The following CCNY variants were observed in gnomAD, a reference collection of about 807,000 sequenced individuals.
CCNY encodes cyclin Y.
Under a neutral mutation model 42.8 loss-of-function variants are expected in CCNY, and 19 were observed. The ratio of observed to expected loss-of-function variants is 0.44; its 90% CI spans 0.31 to 0.65. CCNY has a LOEUF of 0.65. CCNY is among the 30% of genes least tolerant of loss of function. The pLI is 0.07. For synonymous variants in CCNY, 165 were observed against 162.7 expected (o/e 1.01, Z -0.11); for missense variants, 370 against 437.3 (o/e 0.85, Z 1.37).
At chr10:35,377,796 C>T (rs1269845743) in intron 1 of CCNY, among the ~76,000 whole-genome samples, 1 of 151,938 alleles carries the variant, frequency 6.6e-6, no homozygotes, top group East Asian at 1.9e-4. Flanking sequence ...AAAAAATCTT[C>T]AAAACAAAAA....
In CCNY at chr10:35,444,032, A is replaced by C. The variant is rs114702226; in HGVS notation, c.155-39372A>C. ...GTGCTCTCTGGCAAAACTGCTAGCG[A>C]GTAGCACCCTTTCTGCAGAAAGTAA... On this transcript the variant is annotated intron_variant, in intron 1 of 9. Coordinates refer to ENST00000374704, the MANE Select transcript of CCNY (RefSeq NM_145012.6). Among the ~76,000 whole-genome samples the C allele has an allele frequency of 7.8e-3, 1,184 of 152,302 alleles. 19 individuals carry two copies. The highest frequency in any genetic ancestry group is 0.025 in the African/African-American group (1,053 of 41,558).
chr10:35,569,224 G>C lies in CCNY; in HGVS notation c.*54G>C, dbSNP rs908937378. On this transcript the variant is annotated 3_prime_UTR_variant, in exon 10 of 10. Transcript: ENST00000374704. ...TCCCTTAGTTTCTCCTTTAGTTTGA[G>C]AAAAGACAGACTTGGGGTGGGTTTG... 2 of 1,096,692 alleles carry C rather than the reference G, an allele frequency of 1.8e-6. No individual in the cohort carries two copies. The highest frequency in any genetic ancestry group is 3.1e-5 in the African/African-American group (2 of 64,938). The allele number at this position is 1,096,692 out of a possible 1,614,324, so 67.9% of individuals were successfully genotyped here.
At chr10:35,325,155 T>C (rs1206083632) in intron 3 of CCNY, among the ~76,000 whole-genome samples, 2 of 152,210 alleles carry the variant, frequency 1.3e-5, no homozygotes, top group Non-Finnish European at 2.9e-5. Flanking sequence ...CCTAATTATA[T>C]TGGTAATGAC....
chr10:35,286,326 A>G (rs1835354003), intron 3 of CCNY, among the ~76,000 whole-genome samples: 6 of 149,554 alleles, frequency 4.0e-5, no homozygotes, highest in Middle Eastern at 3.5e-3. Context: ...TACATACTTA[A>G]CTTTTCAGTT....
At chr10:35,565,334 A>G (rs1000154690) in intron 8 of CCNY, among the ~76,000 whole-genome samples, 2 of 152,120 alleles carry the variant, frequency 1.3e-5, no homozygotes, top group Non-Finnish European at 2.9e-5. Flanking sequence ...AGAAATGCAC[A>G]TTCTCAGGCC....
chr10:35,291,001 G>T (rs956996018), intron 3 of CCNY, among the ~76,000 whole-genome samples: 15 of 151,590 alleles, frequency 9.9e-5, no homozygotes, highest in Non-Finnish European at 5.9e-5. Context: ...ATGGAATCAT[G>T]AAATATGACT....
At chr10:35,413,562 G>C (rs1837958715) in intron 1 of CCNY, among the ~76,000 whole-genome samples, 1 of 152,210 alleles carries the variant, frequency 6.6e-6, no homozygotes, top group Non-Finnish European at 1.5e-5. Flanking sequence ...TGTAAAACTT[G>C]GAAGTGTCTG....
chr10:35,542,872 C>T (rs867250139), intron 7 of CCNY, among the ~76,000 whole-genome samples: 2 of 152,332 alleles, frequency 1.3e-5, no homozygotes, highest in South Asian at 2.1e-4. Flanking sequence ...CCTTCAATTG[C>T]TGGCAAATAA....
chr10:35,503,109 A>C (rs1840144139), intron 3 of CCNY, among the ~76,000 whole-genome samples: 2 of 151,764 alleles, frequency 1.3e-5, no homozygotes, highest in African/African-American at 2.4e-5. Flanking sequence ...CAACAGGCAC[A>C]CACCTAACCT....
At chr10:35,345,762 G>A (rs952366007) in intron 1 of CCNY, among the ~76,000 whole-genome samples, 6 of 152,224 alleles carry the variant, frequency 3.9e-5, no homozygotes, top group Non-Finnish European at 5.9e-5. Context: ...TTAGAGCTGG[G>A]TAGGGTAAGG....
chr10:35,474,825 G>A (rs1204602949), intron 1 of CCNY, among the ~76,000 whole-genome samples: 1 of 152,236 alleles, frequency 6.6e-6, no homozygotes, highest in Non-Finnish European at 1.5e-5. Context: ...GAGAGAAGAA[G>A]TCTTCAGACG....
At chr10:35,285,806 GTGTTTT>G (rs3066489) in intron 3 of CCNY, among the ~76,000 whole-genome samples, 101 of 151,014 alleles carry the variant, frequency 6.7e-4, no homozygotes, top group African/African-American at 2.3e-3. Context: ...TTGGATTTAG[GTGTTTT>G]TGTTTTTGTT....
chr10:35,509,321 G>A (rs1840275581), intron 3 of CCNY, among the ~76,000 whole-genome samples: 1 of 152,170 alleles, frequency 6.6e-6, no homozygotes, highest in Admixed American at 6.5e-5. Flanking sequence ...TGTCACCCAG[G>A]CTGGAGTACA....
chr10:35,350,713 A>G (rs1407303780), intron 1 of CCNY, among the ~76,000 whole-genome samples: 1 of 152,218 alleles, frequency 6.6e-6, no homozygotes, highest in Admixed American at 6.5e-5. Flanking sequence ...TGTTGAGGAA[A>G]AATAGTGATG....
intron 3 of CCNY, among the ~76,000 whole-genome samples, chr10:35,262,060 C>T (rs948861041): frequency 7.1e-5 from 9 of 125,898 alleles, no homozygotes; most frequent in Admixed American, 3.1e-4. Flanking sequence ...ATCAGGAGTT[C>T]GAGACAGCCT....
chr10:35,410,397 C>A (rs1261506379), intron 1 of CCNY, among the ~76,000 whole-genome samples: 1 of 152,068 alleles, frequency 6.6e-6, no homozygotes, highest in Non-Finnish European at 1.5e-5. Flanking sequence ...AGATTTTTTT[C>A]TTTTAAAAAT....
chr10:35,409,008 C>T (rs1837845492), intron 1 of CCNY, among the ~76,000 whole-genome samples: 1 of 151,628 alleles, frequency 6.6e-6, no homozygotes, highest in East Asian at 1.9e-4. Context: ...TTGTCTTGAC[C>T]CAATGCAAAG....
intron 1 of CCNY, among the ~76,000 whole-genome samples, chr10:35,461,673 C>CTT (rs1357602112): frequency 1.3e-5 from 2 of 152,150 alleles, no homozygotes; most frequent in Non-Finnish European, 2.9e-5. Flanking sequence ...TTTCAGAATA[C>CTT]TTGGGACCAC....
chr10:35,546,707 G>A (rs1274789359), intron 7 of CCNY, among the ~76,000 whole-genome samples: 1 of 152,170 alleles, frequency 6.6e-6, no homozygotes, highest in Non-Finnish European at 1.5e-5. Context: ...TGTGTTGTCT[G>A]ATTGCTTCAG....
Sources: allele counts gnomAD v4.1 joint callset (sites outside exome capture counted in the v4.1 genomes callset), GRCh38; gene constraint gnomAD v4.1.1; transcripts MANE v1.5; gene names NCBI Gene and HGNC (gene_info 2026-07-23, HGNC 2026-07-21).